The following TMEM132D variants were observed in gnomAD, a reference collection of about 807,000 sequenced individuals.
TMEM132D encodes the protein transmembrane protein 132D, also known as mature OL transmembrane protein.
In TMEM132D, 21 loss-of-function variants were observed where a neutral mutation model predicts 62.3. That is an observed-to-expected ratio of 0.34 (90% CI 0.24 to 0.49). The LOEUF (loss-of-function observed/expected upper bound fraction) is 0.49. Ranked by LOEUF, TMEM132D falls within the 20% of genes least tolerant of loss-of-function variation. The pLI is 0.99. For synonymous variants in TMEM132D, 621 were observed against 575.6 expected, an observed-to-expected ratio of 1.08 and a Z score of -1.13; for missense variants, 1,346 against 1,402.8, an observed-to-expected ratio of 0.96 and a Z score of 0.65.
At chr12:129,227,594 AAT>A (rs201558290) in intron 4 of TMEM132D, among the ~76,000 whole-genome samples, 9 of 148,676 alleles carry the variant, frequency 6.1e-5, no homozygotes, top group South Asian at 2.1e-4. Flanking sequence ...TTTATTTTTT[AAT>A]ATATATATAT....
At chr12:129,221,575 T>G (rs1593300875) in intron 4 of TMEM132D, among the ~76,000 whole-genome samples, 1 of 152,192 alleles carries the variant, frequency 6.6e-6, no homozygotes, top group Admixed American at 6.5e-5. Flanking sequence ...GTTACTGCCC[T>G]GATTTCTGCT....
chr12:129,616,718 G>A (rs1413227788), intron 2 of TMEM132D, among the ~76,000 whole-genome samples: 1 of 152,158 alleles, frequency 6.6e-6, no homozygotes, highest in Non-Finnish European at 1.5e-5. Context: ...ATGATTGTAA[G>A]TTTCCTGAGG....
chr12:129,290,994 C>G (rs745946316), intron 4 of TMEM132D, among the ~76,000 whole-genome samples: 1 of 152,064 alleles, frequency 6.6e-6, no homozygotes, highest in African/African-American at 2.4e-5. Flanking sequence ...AGTATAGTGT[C>G]GAAGGTTTCA....
intron 1 of TMEM132D, among the ~76,000 whole-genome samples, chr12:129,845,280 G>A (rs1873327150): frequency 6.6e-6 from 1 of 152,184 alleles, no homozygotes; most frequent in African/African-American, 2.4e-5. Flanking sequence ...ATGTTTAAAT[G>A]CAGATTTATG....
chr12:129,300,033 TCA>T (rs1304738992), intron 4 of TMEM132D, among the ~76,000 whole-genome samples: 1 of 152,218 alleles, frequency 6.6e-6, no homozygotes, highest in Non-Finnish European at 1.5e-5. Context: ...GAAATAAACC[TCA>T]CACCTTTTCT....
intron 1 of TMEM132D, among the ~76,000 whole-genome samples, chr12:129,764,099 C>T (rs1870472158): frequency 6.6e-6 from 1 of 152,208 alleles, no homozygotes; most frequent in Non-Finnish European, 1.5e-5. Flanking sequence ...AAAGCCTTTG[C>T]TTTTCTCAAA....
intron 1 of TMEM132D, among the ~76,000 whole-genome samples, chr12:129,740,025 C>T (rs1234067277): frequency 6.6e-6 from 1 of 152,106 alleles, no homozygotes; most frequent in East Asian, 1.9e-4. Context: ...ATGGCTGCAG[C>T]TCCCATGGAC....
chr12:129,806,621 C>A (rs187613596), intron 1 of TMEM132D, among the ~76,000 whole-genome samples: 7,083 of 150,566 alleles, frequency 0.047, 224 homozygotes, highest in Non-Finnish European at 0.069. Flanking sequence ...TGCAGCACAC[C>A]AGCATGGCAC....
intron 4 of TMEM132D, among the ~76,000 whole-genome samples, chr12:129,329,586 G>T (rs1343959551): frequency 6.6e-6 from 1 of 152,172 alleles, no homozygotes; most frequent in East Asian, 1.9e-4. Flanking sequence ...ATCTTAGTGG[G>T]TGACTGTCAC....
intron 1 of TMEM132D, among the ~76,000 whole-genome samples, chr12:129,807,846 G>T (rs1872043220): frequency 6.6e-6 from 1 of 152,118 alleles, no homozygotes; most frequent in Admixed American, 6.5e-5. Context: ...TCCTCTTAAA[G>T]CAATTTGTGC....
At chr12:129,863,287 G>A (rs1873954450) in intron 1 of TMEM132D, among the ~76,000 whole-genome samples, 2 of 151,674 alleles carry the variant, frequency 1.3e-5, no homozygotes, top group African/African-American at 4.9e-5. Context: ...CAGCCCCGAT[G>A]GAAACTAATA....
At position 129,084,490 on chromosome 12, in the gene TMEM132D, T is replaced by C. The variant is rs555068393; in HGVS notation, c.1649+7A>G. 174 of 1,584,064 alleles carry C rather than the reference T, an allele frequency of 1.1e-4. 2 individuals are homozygous for C. The South Asian group carries it at 2.0e-3, about 18-fold the overall frequency. The stretch of plus-strand genomic sequence containing the variant: ...AGCCTGCCATGGAGTTTCAGGGACA[T>C]ACCCACCTCCTGCTGGAGACGATGG... On this transcript the variant is annotated splice_region_variant and intron_variant, in intron 6 of 8. Coordinates refer to ENST00000422113, the MANE Select transcript of TMEM132D (RefSeq NM_133448.3).
intron 6 of TMEM132D, 96 bp from the exon 7 acceptor site, chr12:129,082,128 G>T: frequency 1.4e-6 from 2 of 1,443,172 alleles, no homozygotes; most frequent in Non-Finnish European, 1.9e-6. Flanking sequence ...AGGTAGGTAG[G>T]CCATGAGACT....
At position 129,088,917 on chromosome 12, in the gene TMEM132D, C is replaced by T. The variant is rs1463652298; in HGVS notation, c.1444-4215G>A. Among the ~76,000 whole-genome samples the T allele has an allele frequency of 1.3e-4, 5 of 38,966 alleles. 2 individuals carry two copies. The highest frequency in any genetic ancestry group is 2.1e-4 in the Non-Finnish European group (5 of 24,054). 25.6% of individuals were successfully genotyped at this position (38,966 alleles called of 152,430 possible). A position where few individuals can be genotyped will look rare whatever the true frequency, so the allele number is the denominator to read the frequency against. ...TCCCTGACCGGGTGTCCTCCATGAC[C>T]GGGATGTCCTCCATGACCGGGTGTC... On this transcript the variant is annotated intron_variant, in intron 5 of 8. Transcript: ENST00000422113.
intron 2 of TMEM132D, among the ~76,000 whole-genome samples, chr12:129,688,530 G>A (rs1396460344): frequency 6.6e-6 from 1 of 151,976 alleles, no homozygotes; most frequent in Admixed American, 6.6e-5. Flanking sequence ...TTTGACTCTG[G>A]GTTATTTTCC....
chr12:129,628,496 A>G (rs938136835), intron 2 of TMEM132D, among the ~76,000 whole-genome samples: 2 of 152,188 alleles, frequency 1.3e-5, no homozygotes, highest in Non-Finnish European at 2.9e-5. Flanking sequence ...TTGCCCAGAC[A>G]TTCTCTTGCT....
intron 4 of TMEM132D, among the ~76,000 whole-genome samples, chr12:129,282,563 C>G (rs984225738): frequency 6.6e-6 from 1 of 152,280 alleles, no homozygotes; most frequent in Admixed American, 6.5e-5. Flanking sequence ...GCAACCCTCT[C>G]CTGACCTCCA....
In TMEM132D at chr12:129,073,572, G is replaced by A. The variant is rs1013891799; in HGVS notation, c.*303C>T. On this transcript the variant is annotated 3_prime_UTR_variant, in exon 9 of 9. Coordinates refer to ENST00000422113, the MANE Select transcript of TMEM132D (RefSeq NM_133448.3). ...CCAAATTGCTTTGATTCGAGAGAGA[G>A]AGGCTGTTCTTTCCTGGACGCTCTC... 3.3e-6 allele frequency: 1 copy of A among 303,144 alleles called. No individual in the cohort carries two copies. The highest frequency in any genetic ancestry group is 4.6e-5 in the Admixed American group (1 of 21,594). 18.8% of individuals were successfully genotyped at this position (303,144 alleles called of 1,614,324 possible).
At chr12:129,292,790 G>T (rs142911884) in intron 4 of TMEM132D, among the ~76,000 whole-genome samples, 10 of 151,838 alleles carry the variant, frequency 6.6e-5, no homozygotes, top group African/African-American at 2.4e-4. Context: ...AAGTAGAGGA[G>T]AAAATGAAAA....
Sources: allele counts gnomAD v4.1 joint callset (sites outside exome capture counted in the v4.1 genomes callset), GRCh38; gene constraint gnomAD v4.1.1; transcripts MANE v1.5; gene names NCBI Gene and HGNC (gene_info 2026-07-23, HGNC 2026-07-21).